VASH2: variants seen among roughly 807,000 people sequenced by gnomAD.
The protein encoded by VASH2 is vasohibin 2.
In VASH2, 28 loss-of-function variants were observed where a neutral mutation model predicts 37.2. The ratio of observed to expected loss-of-function variants is 0.75; its 90% CI spans 0.56 to 1.03. The LOEUF (loss-of-function observed/expected upper bound fraction) is 1.03. Among genes scored for constraint, VASH2 ranks in the 50% least tolerant of loss-of-function variants. The probability of loss-of-function intolerance (pLI) is 0.00; values close to 1 mark genes in which losing one functional copy is unlikely to be tolerated. For synonymous variants in VASH2, 188 were observed against 174.7 expected, an observed-to-expected ratio of 1.08 and a Z score of -0.60; for missense variants, 419 against 459.1, an observed-to-expected ratio of 0.91 and a Z score of 0.80.
intron 2 of VASH2, 103 bp from the exon 3 acceptor site, chr1:212,961,063 G>A: frequency 8.9e-7 from 1 of 1,124,334 alleles, no homozygotes; most frequent in Non-Finnish European, 1.3e-6. Flanking sequence ...CGGCTCTCAG[G>A]AGCACCTCTC....
chr1:212,970,399 T>C (rs1267620641), intron 5 of VASH2, among the ~76,000 whole-genome samples: 1 of 152,200 alleles, frequency 6.6e-6, no homozygotes, highest in Non-Finnish European at 1.5e-5. Context: ...ACTTATCCTG[T>C]AAGATGAATT....
At chr1:212,973,926 G>T in intron 6 of VASH2, 29 bp from the exon 7 acceptor site, 1 of 1,609,064 alleles carries the variant, frequency 6.2e-7, no homozygotes, top group South Asian at 1.1e-5. Flanking sequence ...TTAGGAACCA[G>T]GGTGATTAAC....
intron 7 of VASH2, among the ~76,000 whole-genome samples, chr1:212,976,917 G>A (rs1437461328): frequency 1.3e-5 from 2 of 152,184 alleles, no homozygotes; most frequent in African/African-American, 4.8e-5. Context: ...TCCCGGAGTC[G>A]ACCCCAGCCC....
chr1:212,973,374 CAGTTTT>C, intron 6 of VASH2: 1 of 1,289,962 alleles, frequency 7.8e-7, no homozygotes, highest in South Asian at 1.2e-5. Context: ...TTCTCTCTCT[CAGTTTT>C]ACCTCCAAAG....
intron 2 of VASH2, among the ~76,000 whole-genome samples, chr1:212,955,183 A>G (rs1666447898): frequency 6.6e-6 from 1 of 152,176 alleles, no homozygotes; most frequent in Non-Finnish European, 1.5e-5. Context: ...GGGATTAACC[A>G]TTTTTGGCCA....
intron 2 of VASH2, among the ~76,000 whole-genome samples, chr1:212,954,994 C>T (rs1666439444): frequency 6.6e-6 from 1 of 152,180 alleles, no homozygotes; most frequent in African/African-American, 2.4e-5. Context: ...TCAAAAGCTC[C>T]CTTTTCCAGG....
At chr1:212,958,627 G>A (rs989283907) in intron 2 of VASH2, among the ~76,000 whole-genome samples, 12 of 152,208 alleles carry the variant, frequency 7.9e-5, no homozygotes, top group Non-Finnish European at 1.6e-4. Context: ...GATCTCTTAG[G>A]TGGCTGGTGA....
intron 3 of VASH2, among the ~76,000 whole-genome samples, chr1:212,963,154 C>T (rs1280560319): frequency 6.6e-6 from 1 of 152,172 alleles, no homozygotes; most frequent in East Asian, 1.9e-4. Context: ...CTGCTGTAAA[C>T]CTGACAGCAT....
chr1:212,975,698 A>G (rs1463021310), intron 7 of VASH2, among the ~76,000 whole-genome samples: 4 of 152,242 alleles, frequency 2.6e-5, no homozygotes, highest in Non-Finnish European at 4.4e-5. Flanking sequence ...TGACCCAGCA[A>G]TAGCAAGTTG....
chr1:212,979,319 G>A (rs1465390467), intron 7 of VASH2, among the ~76,000 whole-genome samples: 3 of 152,198 alleles, frequency 2.0e-5, no homozygotes, highest in Non-Finnish European at 4.4e-5. Context: ...CACAAACTCC[G>A]GGAATCTTAC....
Position 212,951,602 on chromosome 1 carries a change from C to T in VASH2, c.60C>T (p.Thr20=), listed in dbSNP as rs767386249. The stretch of plus-strand genomic sequence containing the variant: ...CCCACCCCAAAGGCGCCAAAGGCAC[C>T]CGGTCCCGGAGCAGCCACGCGCGGC... ...RCPHPKGAKG[T]RSRSSHARPV... is the part of the protein sequence containing the mutation. Residue 20 remains threonine, a synonymous_variant, in exon 2 of 8, where the codon ACC becomes ACT. Coordinates refer to ENST00000517399, the MANE Select transcript of VASH2 (RefSeq NM_001301056.2). This position sits in a 1 kb window ranked among gnomAD's most constrained non-coding sequence, Gnocchi z 4.4. The T allele has an allele frequency of 3.2e-6, 5 of 1,553,390 alleles. No homozygotes were observed. In the African/African-American group the frequency reaches 4.1e-5, roughly 13 times the overall value.
intron 3 of VASH2, among the ~76,000 whole-genome samples, chr1:212,961,543 T>G (rs1159769365): frequency 6.6e-6 from 1 of 152,166 alleles, no homozygotes; most frequent in Non-Finnish European, 1.5e-5. Flanking sequence ...TCCTTCTATC[T>G]TCTCCTCTTT....
chr1:212,956,511 G>T (rs1666500932), intron 2 of VASH2, among the ~76,000 whole-genome samples: 1 of 152,198 alleles, frequency 6.6e-6, no homozygotes, highest in Admixed American at 6.5e-5. Context: ...GAAAGACAAA[G>T]TTGGAGTTTC....
intron 5 of VASH2, chr1:212,968,280 T>G (rs894372806): frequency 2.0e-6 from 2 of 985,250 alleles, no homozygotes; most frequent in African/African-American, 1.7e-5. Context: ...GAAATCAGTA[T>G]TTTTTGGTCT....
intron 3 of VASH2, among the ~76,000 whole-genome samples, chr1:212,961,661 G>A (rs551812267): frequency 3.4e-4 from 52 of 152,298 alleles, no homozygotes; most frequent in Admixed American, 3.3e-3. Context: ...GGAGGGCGTT[G>A]GCGCATTCTC....
chr1:212,966,354 T>A lies in VASH2; in HGVS notation c.497+9T>A. On this transcript the variant is annotated intron_variant, in intron 5 of 7. Transcript: ENST00000517399. ...GCTGTCATCCTGGGCATGTATCCTTTAAGTTATGTATGCTTAGTTTACTCC... is the reference window on the plus strand; with the variant it reads ...GCTGTCATCCTGGGCATGTATCCTTAAAGTTATGTATGCTTAGTTTACTCC... 3 of 1,550,976 alleles carry A rather than the reference T, an allele frequency of 1.9e-6. No homozygotes were observed. The highest frequency in any genetic ancestry group is 2.6e-6 in the Non-Finnish European group (3 of 1,146,286).
intron 3 of VASH2, among the ~76,000 whole-genome samples, chr1:212,963,502 GC>G (rs1666742812): frequency 2.6e-5 from 4 of 151,992 alleles, no homozygotes; most frequent in Non-Finnish European, 5.9e-5. Context: ...TGCTCAGCTG[GC>G]GGTGGGGATA....
At chr1:212,982,428 A>G (rs1209952258) in intron 7 of VASH2, among the ~76,000 whole-genome samples, 1 of 152,154 alleles carries the variant, frequency 6.6e-6, no homozygotes, top group East Asian at 1.9e-4. Flanking sequence ...ATAACCCTGG[A>G]TCCGATGAGA....
At chr1:212,982,557 A>G (rs918412225) in intron 7 of VASH2, among the ~76,000 whole-genome samples, 1 of 152,160 alleles carries the variant, frequency 6.6e-6, no homozygotes, top group Non-Finnish European at 1.5e-5. Context: ...AGTCCTCTCT[A>G]TACACAATAG....
Sources: allele counts gnomAD v4.1 joint callset (sites outside exome capture counted in the v4.1 genomes callset), GRCh38; gene constraint gnomAD v4.1.1; non-coding constraint Gnocchi (gnomAD v3.1); transcripts MANE v1.5; gene names NCBI Gene and HGNC (gene_info 2026-07-23, HGNC 2026-07-21).